SCFD2: variants seen among roughly 807,000 people sequenced by gnomAD.
SCFD2 encodes the protein sec1 family domain containing 2, also known as sec1 family domain-containing protein 2.
A neutral mutation model predicts 58.9 loss-of-function variants in SCFD2; 54 were observed. The observed-to-expected ratio is 0.92, with a 90% confidence interval of 0.74 to 1.15. SCFD2 has a LOEUF of 1.15. SCFD2 is among the 50% of genes most tolerant of loss of function. The pLI, the probability that SCFD2 is intolerant of heterozygous loss-of-function variation, is 0.00. For missense variants in SCFD2, 805 were observed against 836.6 expected (o/e 0.96, Z 0.47); for synonymous variants, 321 against 335.9 (o/e 0.96, Z 0.49).
chr4:53,006,623 T>C (rs1721975719), intron 5 of SCFD2, among the ~76,000 whole-genome samples: 2 of 152,244 alleles, frequency 1.3e-5, no homozygotes, highest in Admixed American at 6.5e-5. Context: ...AGGTTTTTTA[T>C]TGAGTATAAC....
chr4:53,158,942 A>G (rs1042565661), intron 4 of SCFD2, among the ~76,000 whole-genome samples: 5 of 152,128 alleles, frequency 3.3e-5, no homozygotes, highest in Admixed American at 2.6e-4. Context: ...CCTTCCCTAA[A>G]TGGGTTAAAT....
chr4:52,996,950 TTGCA>T (rs1721753574), intron 5 of SCFD2, among the ~76,000 whole-genome samples: 1 of 152,240 alleles, frequency 6.6e-6, no homozygotes, highest in Admixed American at 6.5e-5. Context: ...GAGCACTTGG[TTGCA>T]TGTGTGCATC....
chr4:53,054,915 A>G (rs1723281861), intron 5 of SCFD2, among the ~76,000 whole-genome samples: 1 of 152,110 alleles, frequency 6.6e-6, no homozygotes, highest in African/African-American at 2.4e-5. Context: ...CGGCCTCCCA[A>G]AGTGCTGGGA....
chr4:52,951,954 T>C (rs1008136247), intron 5 of SCFD2, among the ~76,000 whole-genome samples: 1 of 152,132 alleles, frequency 6.6e-6, no homozygotes, highest in Non-Finnish European at 1.5e-5. Context: ...ATTACAAAAA[T>C]GCATTTCAAC....
rs567091283 is a variant in SCFD2, at chr4:53,249,622, C to G, written c.1311+24204G>C. On this transcript the variant is annotated intron_variant, in intron 4 of 8. Transcript: ENST00000401642. ...AGCAGATCTCTCGGCAAAAACTCTA[C>G]AAGCCAGAAGAGAGTGGGGGCCAAT... 2.6e-5 allele frequency among the ~76,000 whole-genome samples: 4 copies of G among 152,322 alleles called. No homozygotes were observed. In the South Asian group the frequency reaches 8.3e-4, roughly 32 times the overall value.
intron 4 of SCFD2, among the ~76,000 whole-genome samples, chr4:53,243,942 G>A (rs1399080891): frequency 6.6e-6 from 1 of 152,014 alleles, no homozygotes; most frequent in African/African-American, 2.4e-5. Flanking sequence ...TCAATGAAGA[G>A]ACATAACAGA....
intron 5 of SCFD2, among the ~76,000 whole-genome samples, chr4:52,929,829 G>A (rs1360369430): frequency 6.6e-6 from 1 of 152,150 alleles, no homozygotes; most frequent in African/African-American, 2.4e-5. Context: ...TCTTCAGGGA[G>A]AACTGCAAAC....
chr4:53,069,974 CAT>C (rs1282067535), intron 5 of SCFD2, among the ~76,000 whole-genome samples: 1 of 151,964 alleles, frequency 6.6e-6, no homozygotes, highest in African/African-American at 2.4e-5. Flanking sequence ...AAAGTCCTGA[CAT>C]ATTTTTTATG....
At chr4:52,988,330 G>A (rs1245103747) in intron 5 of SCFD2, among the ~76,000 whole-genome samples, 2 of 152,168 alleles carry the variant, frequency 1.3e-5, no homozygotes, top group African/African-American at 2.4e-5. Flanking sequence ...TATTCATCCT[G>A]GGGTAGGGGA....
At chr4:53,224,833 A>G (rs1194288096) in intron 4 of SCFD2, among the ~76,000 whole-genome samples, 3 of 152,176 alleles carry the variant, frequency 2.0e-5, no homozygotes, top group Non-Finnish European at 4.4e-5. Flanking sequence ...TCTACTTTAT[A>G]TATCTAATCT....
intron 8 of SCFD2, among the ~76,000 whole-genome samples, chr4:52,880,793 C>A (rs1718592409): frequency 6.6e-6 from 1 of 152,192 alleles, no homozygotes; most frequent in South Asian, 2.1e-4. Flanking sequence ...CCTGTATTTC[C>A]TCAGAGATTC....
intron 5 of SCFD2, among the ~76,000 whole-genome samples, chr4:52,922,960 G>A (rs1216083593): frequency 6.6e-6 from 1 of 152,178 alleles, no homozygotes; most frequent in Non-Finnish European, 1.5e-5. Flanking sequence ...AGGGAGTAGA[G>A]GTAGATTCAA....
chr4:53,211,035 G>C (rs1420282037), intron 4 of SCFD2, among the ~76,000 whole-genome samples: 1 of 151,950 alleles, frequency 6.6e-6, no homozygotes, highest in Non-Finnish European at 1.5e-5. Context: ...ATGAGGTCAG[G>C]AGATCAAGAC....
chr4:53,159,067 A>G (rs1364923828), intron 4 of SCFD2, among the ~76,000 whole-genome samples: 1 of 152,122 alleles, frequency 6.6e-6, no homozygotes, highest in Non-Finnish European at 1.5e-5. Context: ...AAAATCCTCA[A>G]TAGCAAGAAC....
intron 4 of SCFD2, among the ~76,000 whole-genome samples, chr4:53,249,029 C>T (rs1235337593): frequency 1.3e-5 from 2 of 152,040 alleles, no homozygotes; most frequent in Non-Finnish European, 2.9e-5. Context: ...GAAATTCAAA[C>T]CAAAGGCAAA....
At chr4:52,912,304 A>G (rs868551329) in intron 6 of SCFD2, among the ~76,000 whole-genome samples, 2 of 152,208 alleles carry the variant, frequency 1.3e-5, no homozygotes, top group Admixed American at 6.5e-5. Context: ...ATCTAAAAGC[A>G]TTAAGATTTT....
chr4:53,001,538 TA>T (rs1560506581), intron 5 of SCFD2, among the ~76,000 whole-genome samples: 1 of 152,252 alleles, frequency 6.6e-6, no homozygotes, highest in Non-Finnish European at 1.5e-5. Context: ...CGACAATGCT[TA>T]GCTTTATTAA....
chr4:52,918,150 T>A (rs1719651390), intron 6 of SCFD2, among the ~76,000 whole-genome samples: 1 of 92,926 alleles, frequency 1.1e-5, no homozygotes, highest in African/African-American at 3.0e-5. Context: ...AGCATAGATT[T>A]CTTCTGGAGT....
At chr4:53,096,268 T>G (rs1374451970) in intron 5 of SCFD2, among the ~76,000 whole-genome samples, 1 of 152,222 alleles carries the variant, frequency 6.6e-6, no homozygotes, top group Non-Finnish European at 1.5e-5. Flanking sequence ...GTATTTCTAG[T>G]TCTAGATCCT....
Sources: allele counts gnomAD v4.1 joint callset (sites outside exome capture counted in the v4.1 genomes callset), GRCh38; gene constraint gnomAD v4.1.1; transcripts MANE v1.5; gene names NCBI Gene and HGNC (gene_info 2026-07-23, HGNC 2026-07-21).